The following GLRA1 variants were observed in gnomAD, a reference collection of about 807,000 sequenced individuals.
GLRA1 encodes the protein glycine receptor alpha 1.
GLRA1 carries 37 observed loss-of-function variants against 48.3 expected under a neutral mutation model. The observed-to-expected ratio is 0.77, with a 90% confidence interval of 0.59 to 1.01. The LOEUF (loss-of-function observed/expected upper bound fraction) is 1.01. GLRA1 is among the 50% of genes least tolerant of loss of function. GLRA1 has a pLI of 0.00. For missense variants in GLRA1, 427 were observed against 571.0 expected, an observed-to-expected ratio of 0.75 and a Z score of 2.57; for synonymous variants, 196 against 210.7, an observed-to-expected ratio of 0.93 and a Z score of 0.60.
intron 1 of GLRA1, among the ~76,000 whole-genome samples, chr5:151,916,794 C>T (rs73287812): frequency 0.017 from 2,517 of 152,224 alleles, 93 homozygotes; most frequent in African/African-American, 0.058. Context: ...CCCGGGTGCC[C>T]CTTCTCTTTA....
intron 2 of GLRA1, among the ~76,000 whole-genome samples, chr5:151,891,850 G>A (rs916547276): frequency 6.6e-6 from 1 of 152,094 alleles, no homozygotes; most frequent in African/African-American, 2.4e-5. Context: ...TCTCCTTTGG[G>A]GGCACCTGCT....
In GLRA1 at chr5:151,892,432, A is replaced by T; in HGVS notation, c.63T>A (p.Ala21=). Residue 21 remains alanine (A), a synonymous_variant, in exon 2 of 9, where the codon GCT becomes GCA. Coordinates refer to ENST00000274576, the MANE Select transcript of GLRA1 (RefSeq NM_000171.4). ...GAGCAGCTTCAGCCTCCTTAGAAGCAGCAAGGCTAAGGAGGAAGAGAGGAG... is the reference window on the plus strand; with the variant it reads ...GAGCAGCTTCAGCCTCCTTAGAAGCTGCAAGGCTAAGGAGGAAGAGAGGAG... ...LWETIVFFSL[A]ASKEAEAARS... is the part of the protein sequence containing the mutation. 6.2e-7 allele frequency: 1 copy of T among 1,614,042 alleles called. No homozygotes were observed. The highest frequency in any genetic ancestry group is 8.5e-7 in the Non-Finnish European group (1 of 1,179,908).
chr5:151,868,731 T>C (rs943487075), intron 3 of GLRA1, among the ~76,000 whole-genome samples: 5 of 152,200 alleles, frequency 3.3e-5, no homozygotes, highest in African/African-American at 1.2e-4. Flanking sequence ...ACAGAAAGCT[T>C]CTGCCCTAGA....
At chr5:151,823,009 C>G in intron 8 of GLRA1, 46 bp from the exon 9 acceptor site, 1 of 1,526,216 alleles carries the variant, frequency 6.6e-7, no homozygotes, top group Non-Finnish European at 8.8e-7. Context: ...AAGACAGGGG[C>G]TAGGCACCCT....
chr5:151,897,104 A>G (rs1023206201), intron 1 of GLRA1, among the ~76,000 whole-genome samples: 5 of 152,204 alleles, frequency 3.3e-5, no homozygotes, highest in Admixed American at 3.3e-4. Context: ...GCTCTAGGCC[A>G]AAAGTTCCCA....
At chr5:151,849,177 T>TTCTTTC (rs1752793695) in intron 7 of GLRA1, 1 of 164,406 alleles carries the variant, frequency 6.1e-6, no homozygotes, top group Non-Finnish European at 1.2e-5. Flanking sequence ...CTTTCTTTCT[T>TTCTTTC]TCTTTCTTTC....
intron 7 of GLRA1, among the ~76,000 whole-genome samples, chr5:151,831,024 C>T (rs1158445744): frequency 6.6e-6 from 1 of 152,198 alleles, no homozygotes; most frequent in South Asian, 2.1e-4. Context: ...GGGGTGTCAC[C>T]TCACCCAGAA....
rs190241902 is a variant in GLRA1, at chr5:151,861,633, T to G, written c.253-1625A>C. 9.2e-5 allele frequency among the ~76,000 whole-genome samples: 14 copies of G among 152,222 alleles called. No homozygotes were observed. In the East Asian group the frequency reaches 2.5e-3, roughly 27 times the overall value. ...TTTGTAGATTCTTGATATTAGCCCTTTGTCAGACAAACAGAGAGCCAAATC... is the reference window on the plus strand; with the variant it reads ...TTTGTAGATTCTTGATATTAGCCCTGTGTCAGACAAACAGAGAGCCAAATC... On this transcript the variant is annotated intron_variant, in intron 3 of 8. Coordinates refer to ENST00000274576, the MANE Select transcript of GLRA1 (RefSeq NM_000171.4).
At position 151,822,667 on chromosome 5, in the gene GLRA1, G is replaced by A. The variant is rs1434538953; in HGVS notation, c.*6C>T. On this transcript the variant is annotated 3_prime_UTR_variant, in exon 9 of 9. Coordinates refer to ENST00000274576, the MANE Select transcript of GLRA1 (RefSeq NM_000171.4). ...TCTCCCAGCCTCCCCCAACCTTTCAGACCCTTCACTGGTTGTGGACGTCCT... is the reference window on the plus strand; with the variant it reads ...TCTCCCAGCCTCCCCCAACCTTTCAAACCCTTCACTGGTTGTGGACGTCCT... 1.9e-6 allele frequency: 3 copies of A among 1,602,754 alleles called. No individual in the cohort carries two copies. The African/African-American group carries it at 4.0e-5, about 21-fold the overall frequency.
At chr5:151,896,312 C>T (rs1471997923) in intron 1 of GLRA1, among the ~76,000 whole-genome samples, 1 of 152,200 alleles carries the variant, frequency 6.6e-6, no homozygotes, top group Admixed American at 6.5e-5. Context: ...CCAAGTCACA[C>T]AGCACTTTAA....
At chr5:151,826,975 G>GA (rs1169623039) in intron 8 of GLRA1, among the ~76,000 whole-genome samples, 2 of 150,236 alleles carry the variant, frequency 1.3e-5, no homozygotes, top group Non-Finnish European at 1.5e-5. Flanking sequence ...AGGGAAAATG[G>GA]AAAAATAAAA....
At chr5:151,877,303 A>G (rs1024925508) in intron 3 of GLRA1, among the ~76,000 whole-genome samples, 25 of 152,330 alleles carry the variant, frequency 1.6e-4, no homozygotes, top group Admixed American at 1.3e-3. Flanking sequence ...TGAGTGATAA[A>G]TGAATCATTG....
At position 151,886,724 on chromosome 5, in the gene GLRA1, G is replaced by A; in HGVS notation, c.249C>T (p.Thr83=). The change falls in exon 3 of 9, where the codon ACC becomes ACT. Residue 83 remains threonine, a synonymous_variant. Transcript: ENST00000274576. ...GCTTGTGTTTTGACTTACTCACCATGGTTGTCTCAGCAATGGAACCAAAGC... is the reference window on the plus strand; with the variant it reads ...GCTTGTGTTTTGACTTACTCACCATAGTTGTCTCAGCAATGGAACCAAAGC... The part of the protein sequence containing the change: ...INSFGSIAET[T]MDYRVNIFLR... 1 of 1,605,202 alleles carries A rather than the reference G, an allele frequency of 6.2e-7. No individual in the cohort carries two copies. Among genetic ancestry groups the A allele is most frequent in the Non-Finnish European group, 8.5e-7 (1 of 1,171,864 alleles).
At position 151,850,059 on chromosome 5, in the gene GLRA1, C is replaced by T. The variant is rs1752860095; in HGVS notation, c.912+1331G>A. 3 of 1,603,720 alleles carry T rather than the reference C, an allele frequency of 1.9e-6. No homozygotes were observed. In the Admixed American group the frequency reaches 5.0e-5, roughly 27 times the overall value. ...TAATGGACATGGTGAGCAACCAGCA[C>T]CCTGGTTTGGCATGGAGCAGGAATA... is the stretch of plus-strand genomic sequence containing the variant. On this transcript the variant is annotated intron_variant, in intron 7 of 8. Coordinates refer to ENST00000274576, the MANE Select transcript of GLRA1 (RefSeq NM_000171.4).
chr5:151,890,490 G>C (rs1297291043), intron 2 of GLRA1, among the ~76,000 whole-genome samples: 1 of 152,218 alleles, frequency 6.6e-6, no homozygotes. Context: ...TGGTTGCCAA[G>C]GGCCCTAACC....
chr5:151,895,042 G>T (rs1315604946), intron 1 of GLRA1, among the ~76,000 whole-genome samples: 3 of 152,084 alleles, frequency 2.0e-5, no homozygotes, highest in Non-Finnish European at 4.4e-5. Flanking sequence ...GATGTGGGTG[G>T]GTTTCTAGGT....
At chr5:151,851,909 T>TA (rs1226960128) in intron 6 of GLRA1, among the ~76,000 whole-genome samples, 2 of 152,092 alleles carry the variant, frequency 1.3e-5, no homozygotes, top group African/African-American at 4.8e-5. Context: ...ACATCACTGT[T>TA]ACCATCATCA....
intron 7 of GLRA1, among the ~76,000 whole-genome samples, chr5:151,833,686 C>A (rs947087523): frequency 3.3e-5 from 5 of 151,594 alleles, no homozygotes; most frequent in African/African-American, 1.2e-4. Flanking sequence ...TAGTCTCGAA[C>A]TCCTGACCTC....
At chr5:151,837,000 A>G (rs945042972) in intron 7 of GLRA1, among the ~76,000 whole-genome samples, 3 of 152,068 alleles carry the variant, frequency 2.0e-5, no homozygotes, top group Admixed American at 2.0e-4. Context: ...ACAACAAAAA[A>G]CCAAAAAACT....
Sources: gnomAD v4.1 joint callset for allele counts (sites outside exome capture counted in the v4.1 genomes callset) on GRCh38, gnomAD v4.1.1 for gene constraint, MANE v1.5 for transcripts, NCBI Gene and HGNC (gene_info 2026-07-23, HGNC 2026-07-21) for gene names.